TPST1: variants seen among roughly 807,000 people sequenced by gnomAD.
TPST1 encodes the protein tyrosylprotein sulfotransferase 1, also known as protein-tyrosine sulfotransferase 1.
In TPST1, 20 loss-of-function variants were observed where a neutral mutation model predicts 34.8. The ratio of observed to expected loss-of-function variants is 0.57; its 90% confidence interval spans 0.40 to 0.84. TPST1 has a LOEUF of 0.84. TPST1 is among the 40% of genes least tolerant of loss of function. The pLI is 0.00. For missense variants in TPST1, 353 were observed against 455.5 expected (o/e 0.78, Z 2.05); for synonymous variants, 152 against 159.4 (o/e 0.95, Z 0.35).
intron 3 of TPST1, among the ~76,000 whole-genome samples, chr7:66,346,615 G>T (rs1390728448): frequency 6.6e-6 from 1 of 152,052 alleles, no homozygotes; most frequent in Non-Finnish European, 1.5e-5. Flanking sequence ...ATACCTGCTT[G>T]CCATTTGTAT....
chr7:66,311,603 A>G (rs1407936918), intron 3 of TPST1, among the ~76,000 whole-genome samples: 2 of 152,190 alleles, frequency 1.3e-5, no homozygotes, highest in Non-Finnish European at 2.9e-5. Context: ...CAATTACTAA[A>G]CAGTTGCTTT....
At chr7:66,341,443 T>C (rs1452274829) in intron 3 of TPST1, among the ~76,000 whole-genome samples, 1 of 152,150 alleles carries the variant, frequency 6.6e-6, no homozygotes, top group African/African-American at 2.4e-5. Context: ...AATGCCTGGC[T>C]AATGTTTTTG....
intron 2 of TPST1, among the ~76,000 whole-genome samples, chr7:66,243,146 G>T (rs918931781): frequency 6.7e-6 from 1 of 148,478 alleles, no homozygotes; most frequent in African/African-American, 2.5e-5. Flanking sequence ...GATGACAAGG[G>T]GTGTGTGTGT....
intron 3 of TPST1, among the ~76,000 whole-genome samples, chr7:66,351,903 C>G (rs1328971228): frequency 6.6e-6 from 1 of 152,072 alleles, no homozygotes; most frequent in African/African-American, 2.4e-5. Flanking sequence ...GTATTTATCA[C>G]AAATTTATCA....
At chr7:66,267,158 T>A (rs1790609225) in intron 2 of TPST1, among the ~76,000 whole-genome samples, 1 of 152,242 alleles carries the variant, frequency 6.6e-6, no homozygotes, top group South Asian at 2.1e-4. Context: ...TTGTAACTGT[T>A]AAAAGCATTA....
chr7:66,351,967 A>T (rs1792488318), intron 3 of TPST1, among the ~76,000 whole-genome samples: 1 of 152,216 alleles, frequency 6.6e-6, no homozygotes, highest in African/African-American at 2.4e-5. Flanking sequence ...ATTAAAGCAT[A>T]GGTTTTTAAT....
upstream of TPST1, among the ~76,000 whole-genome samples, chr7:66,202,586 C>T (rs1425064620): frequency 6.6e-6 from 1 of 152,130 alleles, no homozygotes; most frequent in East Asian, 1.9e-4. Flanking sequence ...TGGAAAGAGC[C>T]TGGCAGGGGC....
At chr7:66,267,381 TG>T (rs1584192042) in intron 2 of TPST1, among the ~76,000 whole-genome samples, 1 of 152,120 alleles carries the variant, frequency 6.6e-6, no homozygotes, top group East Asian at 1.9e-4. Context: ...CAGAGCAGGA[TG>T]AGTCAGTAAG....
intron 3 of TPST1, among the ~76,000 whole-genome samples, chr7:66,333,543 A>G (rs528239667): frequency 6.6e-6 from 1 of 152,352 alleles, no homozygotes; most frequent in African/African-American, 2.4e-5. Context: ...ATCATAAAAC[A>G]TTAGAACTGG....
chr7:66,255,955 A>G (rs1000466182), intron 2 of TPST1, among the ~76,000 whole-genome samples: 1 of 152,126 alleles, frequency 6.6e-6, no homozygotes, highest in Admixed American at 6.5e-5. Flanking sequence ...CATTGCCCAG[A>G]CCTACTATTT....
intron 2 of TPST1, among the ~76,000 whole-genome samples, chr7:66,260,569 C>T (rs773161723): frequency 8.5e-5 from 13 of 152,070 alleles, no homozygotes; most frequent in Non-Finnish European, 1.8e-4. Flanking sequence ...TTGTGTTTCC[C>T]TGTTTATTTG....
chr7:66,206,127 T>A, intron 1 of TPST1, among the ~76,000 whole-genome samples: 1 of 7,626 alleles, frequency 1.3e-4, no homozygotes, highest in East Asian at 2.0e-3. Flanking sequence ...TCATCGCTTT[T>A]TTTTTTTTTT....
At chr7:66,279,136 A>G (rs1790882053) in intron 2 of TPST1, among the ~76,000 whole-genome samples, 1 of 152,068 alleles carries the variant, frequency 6.6e-6, no homozygotes, top group African/African-American at 2.4e-5. Context: ...CTTTGTATCT[A>G]TGTGTGCTCA....
At chr7:66,342,970 T>A (rs1444795482) in intron 3 of TPST1, among the ~76,000 whole-genome samples, 2 of 152,102 alleles carry the variant, frequency 1.3e-5, no homozygotes, top group Non-Finnish European at 2.9e-5. Context: ...TGCAGCCCTC[T>A]CTAGCCTTCC....
intron 3 of TPST1, among the ~76,000 whole-genome samples, chr7:66,312,506 G>A (rs1294522233): frequency 6.6e-6 from 1 of 152,062 alleles, no homozygotes; most frequent in African/African-American, 2.4e-5. Context: ...ATACTTATAG[G>A]TTAACTTGGT....
intron 3 of TPST1, among the ~76,000 whole-genome samples, chr7:66,303,548 T>TA (rs913911821): frequency 6.6e-6 from 1 of 152,136 alleles, no homozygotes; most frequent in Non-Finnish European, 1.5e-5. Context: ...TAGCTGGTGT[T>TA]ACAGGTGCAT....
intron 1 of TPST1, among the ~76,000 whole-genome samples, chr7:66,206,867 A>T (rs775585208): frequency 1.3e-5 from 2 of 152,162 alleles, no homozygotes; most frequent in Non-Finnish European, 2.9e-5. Flanking sequence ...TACAGACCAA[A>T]TATGCTTAAG....
intron 2 of TPST1, among the ~76,000 whole-genome samples, chr7:66,277,936 C>A (rs1277497915): frequency 1.3e-5 from 2 of 151,648 alleles, no homozygotes; most frequent in Non-Finnish European, 2.9e-5. Flanking sequence ...CCTGTCTCTA[C>A]TAAAAATACA....
chr7:66,300,473 T>G (rs1048331516), intron 3 of TPST1, among the ~76,000 whole-genome samples: 2 of 152,236 alleles, frequency 1.3e-5, no homozygotes, highest in African/African-American at 4.8e-5. Flanking sequence ...TCTGTCTGAT[T>G]CTTCCAAATT....
Sources: gnomAD v4.1 joint callset for allele counts (sites outside exome capture counted in the v4.1 genomes callset) on GRCh38, gnomAD v4.1.1 for gene constraint, MANE v1.5 for transcripts, NCBI Gene and HGNC (gene_info 2026-07-23, HGNC 2026-07-21) for gene names.